Variants in SNTG2 observed in about 807,000 individuals in gnomAD.
SNTG2 encodes the protein syntrophin gamma 2.
SNTG2 carries 74 observed loss-of-function variants against 70.9 expected under a neutral mutation model. The ratio of observed to expected loss-of-function variants is 1.04; its 90% CI spans 0.86 to 1.27. The LOEUF is 1.27. Ranked by LOEUF, SNTG2 falls within the 50% of genes most tolerant of loss-of-function variation. SNTG2 has a pLI of 0.00. For missense variants in SNTG2, 717 were observed against 690.7 expected (o/e 1.04, Z -0.43); for synonymous variants, 278 against 273.8 (o/e 1.02, Z -0.15).
At chr2:1,358,769 GGCCTGTCC>G (rs1376686232) in intron 16 of SNTG2, among the ~76,000 whole-genome samples, 1 of 152,098 alleles carries the variant, frequency 6.6e-6, no homozygotes, top group Non-Finnish European at 1.5e-5. Flanking sequence ...TGAAGTCTAT[GGCCTGTCC>G]TGGAGAATGC....
At chr2:1,092,308 C>G (rs1349280752) in intron 2 of SNTG2, among the ~76,000 whole-genome samples, 1 of 151,994 alleles carries the variant, frequency 6.6e-6, no homozygotes, top group Non-Finnish European at 1.5e-5. Flanking sequence ...TCTCCATTCT[C>G]TCCTTACAAG....
intron 9 of SNTG2, among the ~76,000 whole-genome samples, chr2:1,215,594 G>A (rs1245714154): frequency 1.3e-5 from 2 of 149,618 alleles, no homozygotes; most frequent in Non-Finnish European, 3.0e-5. Flanking sequence ...TAGGGTACAC[G>A]TGCACAACGT....
chr2:1,356,246 T>C (rs9749816), intron 16 of SNTG2, among the ~76,000 whole-genome samples: 109,705 of 152,040 alleles, frequency 0.72, 39,878 homozygotes, highest in East Asian at 0.94. Context: ...GTGTCATATC[T>C]GTGAAAATCA....
At chr2:1,068,738 AG>A (rs1663323176) in intron 1 of SNTG2, among the ~76,000 whole-genome samples, 3 of 152,266 alleles carry the variant, frequency 2.0e-5, no homozygotes, top group Admixed American at 6.5e-5. Context: ...CACATAGCAC[AG>A]AAGTTTCATG....
At chr2:997,679 G>T (rs1661732585) in intron 1 of SNTG2, among the ~76,000 whole-genome samples, 1 of 152,188 alleles carries the variant, frequency 6.6e-6, no homozygotes, top group Non-Finnish European at 1.5e-5. Context: ...TGGCAGGCCT[G>T]CCCTGTCTAG....
intron 1 of SNTG2, among the ~76,000 whole-genome samples, chr2:1,025,714 C>T (rs1405600424): frequency 6.6e-6 from 1 of 152,180 alleles, no homozygotes; most frequent in Non-Finnish European, 1.5e-5. Context: ...CTTATGGAGG[C>T]CCCTGTGATG....
At chr2:1,048,787 C>T (rs953545375) in intron 1 of SNTG2, among the ~76,000 whole-genome samples, 4 of 152,160 alleles carry the variant, frequency 2.6e-5, no homozygotes, top group African/African-American at 9.7e-5. Context: ...AACCCAGCAA[C>T]TGTAAATGAG....
intron 2 of SNTG2, among the ~76,000 whole-genome samples, chr2:1,096,119 C>G (rs754415991): frequency 2.0e-5 from 3 of 152,206 alleles, no homozygotes; most frequent in Non-Finnish European, 2.9e-5. Context: ...CTCCCACATG[C>G]AGGAGTAACT....
intron 16 of SNTG2, among the ~76,000 whole-genome samples, chr2:1,349,914 G>A (rs1283136568): frequency 2.0e-5 from 3 of 152,162 alleles, no homozygotes; most frequent in Non-Finnish European, 4.4e-5. Context: ...AAGACTCACA[G>A]CCCGCCCAGG....
chr2:1,360,210 T>C (rs1661063628), intron 16 of SNTG2, among the ~76,000 whole-genome samples: 1 of 152,220 alleles, frequency 6.6e-6, no homozygotes. Context: ...AAAATCAAGG[T>C]GTTGGCTGCT....
At chr2:1,124,488 G>A (rs565192176) in intron 4 of SNTG2, among the ~76,000 whole-genome samples, 1 of 151,934 alleles carries the variant, frequency 6.6e-6, no homozygotes, top group African/African-American at 2.4e-5. Flanking sequence ...AGTAGAGACG[G>A]GGTTTCATTG....
chr2:1,359,654 G>T (rs995862052), intron 16 of SNTG2, among the ~76,000 whole-genome samples: 8 of 152,224 alleles, frequency 5.3e-5, no homozygotes, highest in Admixed American at 2.0e-4. Context: ...GGATAGAGAA[G>T]CTGAGACTCA....
At chr2:1,157,457 A>G (rs964203403) in intron 6 of SNTG2, among the ~76,000 whole-genome samples, 1 of 152,234 alleles carries the variant, frequency 6.6e-6, no homozygotes, top group Non-Finnish European at 1.5e-5. Context: ...AGGATGCCAG[A>G]CAGGAGGGAC....
chr2:1,000,834 T>A (rs1659356426), intron 1 of SNTG2, among the ~76,000 whole-genome samples: 1 of 151,710 alleles, frequency 6.6e-6, no homozygotes, highest in African/African-American at 2.4e-5. Flanking sequence ...TACAGGCAAA[T>A]ATCATAGATG....
intron 1 of SNTG2, among the ~76,000 whole-genome samples, chr2:1,037,466 C>T (rs540428721): frequency 6.6e-6 from 1 of 152,152 alleles, no homozygotes; most frequent in African/African-American, 2.4e-5. Flanking sequence ...TAGACCATTT[C>T]CATCACCCCA....
At chr2:1,216,714 C>T (rs1674416759) in intron 9 of SNTG2, among the ~76,000 whole-genome samples, 1 of 152,202 alleles carries the variant, frequency 6.6e-6, no homozygotes, top group African/African-American at 2.4e-5. Flanking sequence ...CCTCTGGGTC[C>T]TTGTGTGAAC....
At chr2:1,202,352 A>G (rs559020027) in intron 8 of SNTG2, among the ~76,000 whole-genome samples, 1 of 152,038 alleles carries the variant, frequency 6.6e-6, no homozygotes, top group Non-Finnish European at 1.5e-5. Flanking sequence ...AGGAAGATTG[A>G]TGTGTCAATA....
chr2:1,312,301 C>T (rs1681036151), intron 15 of SNTG2, among the ~76,000 whole-genome samples: 1 of 152,212 alleles, frequency 6.6e-6, no homozygotes, highest in African/African-American at 2.4e-5. Context: ...AGGCGGGTCT[C>T]CTGCCCCGTC....
chr2:975,282 G>A (rs1040235839), intron 1 of SNTG2, among the ~76,000 whole-genome samples: 5 of 151,686 alleles, frequency 3.3e-5, no homozygotes, highest in Non-Finnish European at 5.9e-5. Flanking sequence ...AACACCACAC[G>A]CTTGGACTCA....
Sources: gnomAD v4.1 joint callset for allele counts (sites outside exome capture counted in the v4.1 genomes callset) on GRCh38, gnomAD v4.1.1 for gene constraint, MANE v1.5 for transcripts, NCBI Gene and HGNC (gene_info 2026-07-23, HGNC 2026-07-21) for gene names.